The following MOB1B variants were observed in gnomAD, a reference collection of about 807,000 sequenced individuals.
MOB1B encodes the protein MOB kinase activator 1B.
In MOB1B, 19 loss-of-function variants were observed where a neutral mutation model predicts 24.4. The observed-to-expected ratio is 0.78, with a 90% CI of 0.54 to 1.14. The LOEUF (loss-of-function observed/expected upper bound fraction) is 1.14. Ranked by LOEUF, MOB1B falls within the 50% of genes most tolerant of loss-of-function variation. The pLI, the probability that MOB1B is intolerant of heterozygous loss-of-function variation, is 0.00. For missense variants in MOB1B, 243 were observed against 259.6 expected (o/e 0.94, Z 0.44); for synonymous variants, 76 against 82.1 (o/e 0.93, Z 0.40).
At chr4:70,911,324 T>C (rs933013890) in intron 1 of MOB1B, among the ~76,000 whole-genome samples, 1 of 151,752 alleles carries the variant, frequency 6.6e-6, no homozygotes, top group East Asian at 1.9e-4. Flanking sequence ...CACTGTAAGG[T>C]TATTTTATTT....
At chr4:70,904,900 G>A (rs1311754730) in intron 1 of MOB1B, among the ~76,000 whole-genome samples, 1 of 152,132 alleles carries the variant, frequency 6.6e-6, no homozygotes, top group African/African-American at 2.4e-5. Flanking sequence ...AATAGATTCA[G>A]ATTTGTGGTG....
chr4:70,970,754 C>G (rs1167036186), intron 3 of MOB1B, among the ~76,000 whole-genome samples: 3 of 152,120 alleles, frequency 2.0e-5, no homozygotes, highest in Non-Finnish European at 4.4e-5. Flanking sequence ...TTGCCGTAGA[C>G]TCAAAGAATT....
At chr4:70,953,296 G>A (rs1737889363) in intron 1 of MOB1B, among the ~76,000 whole-genome samples, 1 of 152,078 alleles carries the variant, frequency 6.6e-6, no homozygotes, top group Non-Finnish European at 1.5e-5. Flanking sequence ...ACCATTCCCC[G>A]GTTGGGTGGA....
In MOB1B at chr4:70,979,294, A is replaced by G; in HGVS notation, c.573+3A>G. The G allele has an allele frequency of 2.5e-6, 4 of 1,611,520 alleles. No homozygotes were observed. Among genetic ancestry groups the G allele is most frequent in the Non-Finnish European group, 3.4e-6 (4 of 1,179,204 alleles). On this transcript the variant is annotated splice_donor_region_variant and intron_variant, in intron 5 of 5. Transcript: ENST00000309395. ...AGCACTTTATTTTTTTTGTCCAGGT[A>G]AGTTGGATTAGGAGGCCTTTGGTGC...
At chr4:70,904,970 T>C (rs1336212417) in intron 1 of MOB1B, among the ~76,000 whole-genome samples, 1 of 152,210 alleles carries the variant, frequency 6.6e-6, no homozygotes, top group African/African-American at 2.4e-5. Flanking sequence ...GTAACTAATG[T>C]ATATAGAACT....
chr4:70,909,482 A>G (rs1172910705), intron 1 of MOB1B, among the ~76,000 whole-genome samples: 9 of 152,176 alleles, frequency 5.9e-5, no homozygotes, highest in African/African-American at 1.9e-4. Flanking sequence ...TAGCCTGGGC[A>G]ACTGAGCAAG....
chr4:70,934,970 T>A (rs1265680596), intron 1 of MOB1B, among the ~76,000 whole-genome samples: 1 of 152,014 alleles, frequency 6.6e-6, no homozygotes, highest in Non-Finnish European at 1.5e-5. Flanking sequence ...AGAGACAGGG[T>A]CTCTCTCTGT....
intron 1 of MOB1B, among the ~76,000 whole-genome samples, chr4:70,916,910 A>G (rs1736218564): frequency 6.6e-6 from 1 of 152,204 alleles, no homozygotes; most frequent in Non-Finnish European, 1.5e-5. Flanking sequence ...GTATTTCTCT[A>G]TAGGCCACAA....
intron 1 of MOB1B, among the ~76,000 whole-genome samples, chr4:70,910,306 G>A (rs976274861): frequency 2.0e-5 from 3 of 152,066 alleles, no homozygotes; most frequent in African/African-American, 4.8e-5. Context: ...CTCCCAAAGC[G>A]CTGGGATTAT....
At chr4:70,975,451 C>G in intron 4 of MOB1B, 165 bp downstream of exon 4, 1 of 1,333,466 alleles carries the variant, frequency 7.5e-7, no homozygotes, top group South Asian at 2.1e-5. Flanking sequence ...AGTTTGTTAA[C>G]CCAGTGGTAA....
intron 1 of MOB1B, among the ~76,000 whole-genome samples, chr4:70,905,242 CTT>C (rs879337441): frequency 1.7e-4 from 25 of 143,694 alleles, no homozygotes; most frequent in Non-Finnish European, 1.7e-4. Flanking sequence ...AATACTGTTT[CTT>C]TTTTTTTTTT....
rs372925440 is a variant in MOB1B, at chr4:70,951,949, A to G, written c.15-6925A>G. ...CTGTACAAGAGAAATTAGCAATCTA[A>G]TACCTGTCCTTTAAGACTTTCGTAC... On this transcript the variant is annotated intron_variant, in intron 1 of 5. Coordinates refer to ENST00000309395, the MANE Select transcript of MOB1B (RefSeq NM_173468.4). Among the ~76,000 whole-genome samples, 7 of 152,332 alleles carry G rather than the reference A, an allele frequency of 4.6e-5. No individual in the cohort carries two copies. The East Asian group carries it at 1.2e-3, about 25-fold the overall frequency.
intron 4 of MOB1B, among the ~76,000 whole-genome samples, chr4:70,977,992 C>T (rs553906118): frequency 4.7e-4 from 72 of 152,260 alleles, no homozygotes; most frequent in African/African-American, 1.7e-3. Flanking sequence ...AGCTTCAGTA[C>T]ACTAAGTACA....
intron 1 of MOB1B, among the ~76,000 whole-genome samples, chr4:70,943,270 A>G (rs1737422881): frequency 6.6e-6 from 1 of 152,196 alleles, no homozygotes; most frequent in South Asian, 2.1e-4. Context: ...TGGAAGAGGA[A>G]CAAGTAGTTT....
chr4:70,951,309 G>T (rs906689668), intron 1 of MOB1B, among the ~76,000 whole-genome samples: 66 of 152,122 alleles, frequency 4.3e-4, no homozygotes, highest in Admixed American at 1.3e-4. Flanking sequence ...TGCCAAAAAG[G>T]TTGGGAGCCA....
chr4:70,911,262 T>C (rs1735976577), intron 1 of MOB1B, among the ~76,000 whole-genome samples: 1 of 152,204 alleles, frequency 6.6e-6, no homozygotes, highest in South Asian at 2.1e-4. Context: ...TACAGTTTTT[T>C]ATCTGACAAC....
intron 1 of MOB1B, among the ~76,000 whole-genome samples, chr4:70,908,022 GTTCT>G (rs1384222291): frequency 2.7e-5 from 4 of 150,504 alleles, no homozygotes; most frequent in African/African-American, 4.9e-5. Flanking sequence ...CTATTTCTTC[GTTCT>G]TTCTTTTTTT....
At position 70,979,189 on chromosome 4, in the gene MOB1B, G is replaced by C; in HGVS notation, c.471G>C (p.Arg157Ser). ...AAACTATACTCAAACGCCTCTTTAGGGTTTATGCTCACATTTATCATCAGC... is the reference window on the plus strand; with the variant it reads ...AAACTATACTCAAACGCCTCTTTAGCGTTTATGCTCACATTTATCATCAGC... ...VAKTILKRLFRVYAHIYHQHF... is the reference protein window; with the variant it reads ...VAKTILKRLFSVYAHIYHQHF... Residue 157 changes from arginine to serine, a missense_variant, in exon 5 of 6, where the codon AGG (arginine) becomes AGC (serine). By Grantham distance (110) the Arg-to-Ser change is moderately radical. Transcript: ENST00000309395. The C allele has an allele frequency of 6.2e-7, 1 of 1,613,252 alleles. No homozygotes were observed.
chr4:70,918,713 A>G (rs977828648), intron 1 of MOB1B, among the ~76,000 whole-genome samples: 5 of 151,934 alleles, frequency 3.3e-5, no homozygotes, highest in Non-Finnish European at 7.4e-5. Context: ...CCATTTGTCA[A>G]TTTTGTCTTT....
Sources: gnomAD v4.1 joint callset for allele counts (sites outside exome capture counted in the v4.1 genomes callset) on GRCh38, gnomAD v4.1.1 for gene constraint, MANE v1.5 for transcripts, NCBI Gene and HGNC (gene_info 2026-07-23, HGNC 2026-07-21) for gene names.